The following CTNND2 variants were observed in gnomAD, a reference collection of about 807,000 sequenced individuals.
The protein encoded by CTNND2 is catenin delta-2.
A neutral mutation model predicts 144.4 loss-of-function variants in CTNND2; 22 were observed. The ratio of observed to expected loss-of-function variants is 0.15; its 90% CI spans 0.11 to 0.22. CTNND2 has a LOEUF of 0.22. Ranked by LOEUF, CTNND2 falls within the 10% of genes least tolerant of loss-of-function variation. CTNND2 has a pLI of 1.00. For synonymous variants in CTNND2, 751 were observed against 695.6 expected, an observed-to-expected ratio of 1.08 and a Z score of -1.25; for missense variants, 1,353 against 1,618.8, an observed-to-expected ratio of 0.84 and a Z score of 2.82.
At chr5:11,169,238 G>C (rs528815285) in intron 11 of CTNND2, among the ~76,000 whole-genome samples, 1 of 152,180 alleles carries the variant, frequency 6.6e-6, no homozygotes, top group Non-Finnish European at 1.5e-5. Context: ...TTTCCCTTTT[G>C]ACACTAAGAC....
At chr5:11,478,711 T>C (rs1248983470) in intron 3 of CTNND2, among the ~76,000 whole-genome samples, 1 of 152,236 alleles carries the variant, frequency 6.6e-6, no homozygotes, top group East Asian at 1.9e-4. Flanking sequence ...CTTGTGAAAT[T>C]TGCCCTGGTC....
chr5:11,748,189 A>ACAAATAGAT (rs539520675), intron 1 of CTNND2, among the ~76,000 whole-genome samples: 9 of 30,078 alleles, frequency 3.0e-4, no homozygotes, highest in African/African-American at 6.9e-4. Flanking sequence ...GACCTTAAGA[A>ACAAATAGAT]AACAAAGACT....
intron 3 of CTNND2, among the ~76,000 whole-genome samples, chr5:11,422,116 G>T (rs1022299330): frequency 6.6e-6 from 1 of 152,082 alleles, no homozygotes; most frequent in Non-Finnish European, 1.5e-5. Flanking sequence ...AAAGATGAAC[G>T]CAGGCCCACC....
intron 16 of CTNND2, chr5:11,027,162 C>CT (rs1742931334): frequency 6.6e-6 from 1 of 152,130 alleles, no homozygotes; most frequent in South Asian, 2.1e-4. Flanking sequence ...ACCAACGATC[C>CT]ACTATCATGG....
chr5:11,721,770 G>C (rs72734944), intron 2 of CTNND2, among the ~76,000 whole-genome samples: 1,924 of 152,314 alleles, frequency 0.013, 14 homozygotes, highest in Non-Finnish European at 0.021. Context: ...CATGGTGACT[G>C]GTTTCTAAGA....
intron 2 of CTNND2, among the ~76,000 whole-genome samples, chr5:11,592,680 A>C (rs1779313688): frequency 6.6e-6 from 1 of 151,898 alleles, no homozygotes; most frequent in Non-Finnish European, 1.5e-5. Flanking sequence ...TCAAAACAAC[A>C]ACCAAACATC....
intron 3 of CTNND2, among the ~76,000 whole-genome samples, chr5:11,496,875 T>A (rs1042175815): frequency 6.6e-6 from 1 of 151,692 alleles, no homozygotes; most frequent in African/African-American, 2.4e-5. Flanking sequence ...ACTGGTGACA[T>A]GGTGTGAGAG....
intron 12 of CTNND2, among the ~76,000 whole-genome samples, chr5:11,136,294 A>T (rs555556194): frequency 6.6e-6 from 1 of 152,226 alleles, no homozygotes; most frequent in African/African-American, 2.4e-5. Context: ...TTTGTTTTTT[A>T]GTTCTGAATT....
intron 16 of CTNND2, among the ~76,000 whole-genome samples, chr5:11,053,910 T>C (rs1320579287): frequency 2.0e-5 from 3 of 152,198 alleles, no homozygotes; most frequent in Non-Finnish European, 4.4e-5. Flanking sequence ...GATGACCAAA[T>C]AGAAAACCTT....
intron 12 of CTNND2, among the ~76,000 whole-genome samples, chr5:11,129,566 C>T (rs909623934): frequency 1.3e-5 from 2 of 151,304 alleles, no homozygotes; most frequent in African/African-American, 4.9e-5. Context: ...AAGAATGCCA[C>T]CAAATTTGCA....
intron 10 of CTNND2, among the ~76,000 whole-genome samples, chr5:11,234,739 T>G (rs1741425294): frequency 6.6e-6 from 1 of 152,230 alleles, no homozygotes; most frequent in Admixed American, 6.5e-5. Flanking sequence ...AAGCCTGCAT[T>G]GCCTGGCCGG....
chr5:11,663,150 G>A (rs1454508155), intron 2 of CTNND2, among the ~76,000 whole-genome samples: 2 of 152,168 alleles, frequency 1.3e-5, no homozygotes, highest in Admixed American at 6.6e-5. Flanking sequence ...CAGATGGCCT[G>A]CCATACATTT....
rs550728312 is a variant in CTNND2 at position 11,603,598 on chromosome 5, A to G, written c.175-38542T>C. ...TTGCTACATTCAGCCTTATTATCAT[A>G]TTATTTTAATGTAAAATGCAAAACT... On this transcript the variant is annotated intron_variant, in intron 2 of 21. Transcript: ENST00000304623. 3.3e-5 allele frequency among the ~76,000 whole-genome samples: 5 copies of G among 152,328 alleles called. No homozygotes were observed. In the South Asian group the frequency reaches 8.3e-4, roughly 25 times the overall value.
At chr5:11,400,230 G>A (rs1415403537) in intron 5 of CTNND2, among the ~76,000 whole-genome samples, 1 of 152,082 alleles carries the variant, frequency 6.6e-6, no homozygotes, top group East Asian at 1.9e-4. Flanking sequence ...GGATGTGGGT[G>A]ATATGGAAAG....
chr5:11,437,117 CTTAA>C (rs1763843921), intron 3 of CTNND2, among the ~76,000 whole-genome samples: 1 of 152,144 alleles, frequency 6.6e-6, no homozygotes, highest in Non-Finnish European at 1.5e-5. Flanking sequence ...GTAAAATTTA[CTTAA>C]TTATTGTTAT....
chr5:11,631,573 C>T (rs777968198), intron 2 of CTNND2, among the ~76,000 whole-genome samples: 54 of 152,158 alleles, frequency 3.5e-4, no homozygotes, highest in Non-Finnish European at 5.7e-4. Flanking sequence ...CTCACTCGCT[C>T]ACCACCTCCA....
chr5:11,751,379 C>T (rs1322845132), intron 1 of CTNND2, among the ~76,000 whole-genome samples: 1 of 151,736 alleles, frequency 6.6e-6, no homozygotes, highest in African/African-American at 2.4e-5. Flanking sequence ...GATCATCTCC[C>T]TTCTCCCACC....
intron 17 of CTNND2, among the ~76,000 whole-genome samples, chr5:11,019,693 T>C (rs879508241): frequency 1.4e-4 from 21 of 152,218 alleles, no homozygotes; most frequent in Non-Finnish European, 2.8e-4. Context: ...AAATATTGAT[T>C]GAAGGGCTTG....
At chr5:11,638,920 G>A (rs945345095) in intron 2 of CTNND2, among the ~76,000 whole-genome samples, 3 of 152,178 alleles carry the variant, frequency 2.0e-5, no homozygotes, top group Middle Eastern at 3.4e-3. Context: ...TTCTTTATAC[G>A]CAAAAAGATT....
Sources: allele counts gnomAD v4.1 joint callset (sites outside exome capture counted in the v4.1 genomes callset), GRCh38; gene constraint gnomAD v4.1.1; transcripts MANE v1.5; gene names NCBI Gene and HGNC (gene_info 2026-07-23, HGNC 2026-07-21).